ELMOD3: variants seen among roughly 807,000 people sequenced by gnomAD.
The protein encoded by ELMOD3 is ELMO domain-containing protein 3.
A neutral mutation model predicts 47.4 loss-of-function variants in ELMOD3; 36 were observed. The ratio of observed to expected loss-of-function variants is 0.76; its 90% CI spans 0.58 to 1.00. The LOEUF is 1.00. ELMOD3 is among the 50% of genes least tolerant of loss of function. The pLI, the probability that ELMOD3 is intolerant of heterozygous loss-of-function variation, is 0.00. For missense variants in ELMOD3, 404 were observed against 463.8 expected, an observed-to-expected ratio of 0.87 and a Z score of 1.18; for synonymous variants, 149 against 183.5, an observed-to-expected ratio of 0.81 and a Z score of 1.52.
intron 11 of ELMOD3, among the ~76,000 whole-genome samples, chr2:85,387,638 G>T (rs1686023587): frequency 7.2e-6 from 1 of 138,682 alleles, no homozygotes; most frequent in Non-Finnish European, 1.5e-5. Context: ...CTGCACTCCA[G>T]CCTGGGCGAC....
chr2:85,379,367 C>T (rs1407349953), intron 11 of ELMOD3, among the ~76,000 whole-genome samples: 4 of 152,008 alleles, frequency 2.6e-5, no homozygotes, highest in Middle Eastern at 3.2e-3. Context: ...CCACCACGTC[C>T]GGCTAATTTT....
chr2:85,390,565 AGT>A, intron 13 of ELMOD3, 193 bp from the exon 14 acceptor site: 1 of 1,558,476 alleles, frequency 6.4e-7, no homozygotes, highest in African/African-American at 1.4e-5. Flanking sequence ...GACAAGGTAG[AGT>A]GTGTGGTCCC....
rs1228526329 is a variant in ELMOD3 at position 85,390,221 on chromosome 2, G to A, written c.899G>A (p.Arg300Lys). 3 of 1,614,186 alleles carry A rather than the reference G, an allele frequency of 1.9e-6. No individual in the cohort carries two copies. Among genetic ancestry groups the A allele is most frequent in the Non-Finnish European group, 2.5e-6 (3 of 1,180,034 alleles). ...TTCCTCCACCTCGCACATGTCTGGA[G>A]GACACAGCGGAAGACCATCTCAGAC... ...ATFLHLAHVW[R>K]TQRKTISDSG... is the part of the protein sequence containing the mutation. The change falls in exon 13 of 14, where the codon AGG (arginine) becomes AAG (lysine). Residue 300 changes from arginine to lysine, a missense_variant. Coordinates refer to ENST00000409013, the MANE Select transcript of ELMOD3 (RefSeq NM_001135022.2).
intron 11 of ELMOD3, among the ~76,000 whole-genome samples, chr2:85,378,737 A>G (rs186062432): frequency 1.5e-3 from 223 of 152,328 alleles, no homozygotes; most frequent in Admixed American, 2.7e-3. Flanking sequence ...GGGGCCCAAG[A>G]TATTTTCCTT....
chr2:85,390,638 C>T (rs1686283650), intron 13 of ELMOD3, 122 bp from the exon 14 acceptor site: 2 of 1,489,470 alleles, frequency 1.3e-6, no homozygotes, highest in African/African-American at 1.4e-5. Context: ...GAGGCTCCTT[C>T]ACTTTCTCTC....
chr2:85,366,602 G>C lies in ELMOD3; in HGVS notation c.200-2084G>C, dbSNP rs150934773. Among the ~76,000 whole-genome samples the C allele has an allele frequency of 7.4e-4, 112 of 152,358 alleles. No homozygotes were observed. In the Middle Eastern group the frequency reaches 0.031, roughly 42 times the overall value. ...TACCCCATCCTCACAACAGCCCCAT[G>C]AGGGGTTACAGATGATAAGTAACTT... On this transcript the variant is annotated intron_variant, in intron 6 of 13. Coordinates refer to ENST00000409013, the MANE Select transcript of ELMOD3 (RefSeq NM_001135022.2).
At chr2:85,364,825 A>ATATATTTTTTTTTTTTT (rs375582916) in intron 6 of ELMOD3, among the ~76,000 whole-genome samples, 1 of 69,892 alleles carries the variant, frequency 1.4e-5, no homozygotes, top group African/African-American at 6.7e-5. Flanking sequence ...ATATATATAT[A>ATATATTTTTTTTTTTTT]TTTTTTTTTT....
chr2:85,360,843 A>C, intron 4 of ELMOD3: 1 of 257,552 alleles, frequency 3.9e-6, no homozygotes, highest in South Asian at 5.2e-5. Context: ...TTACTTCTCC[A>C]TTCTCCAGAA....
At chr2:85,381,137 C>T (rs1050639925) in intron 11 of ELMOD3, among the ~76,000 whole-genome samples, 1 of 152,080 alleles carries the variant, frequency 6.6e-6, no homozygotes, top group African/African-American at 2.4e-5. Context: ...AATTTTTATA[C>T]CAAATAAGCC....
intron 10 of ELMOD3, among the ~76,000 whole-genome samples, chr2:85,375,651 C>T (rs1685123767): frequency 6.6e-6 from 1 of 152,196 alleles, no homozygotes; most frequent in African/African-American, 2.4e-5. Context: ...CCTATAGTCA[C>T]TTTCTATCAT....
At chr2:85,371,332 G>C (rs765623161) in intron 9 of ELMOD3, 108 bp from the exon 10 acceptor site, 94 of 1,598,584 alleles carry the variant, frequency 5.9e-5, no homozygotes, top group Non-Finnish European at 7.7e-5. Context: ...GTGAGAGTGG[G>C]AGCTGAGAAC....
At chr2:85,361,307 T>G (rs1683939798) in intron 4 of ELMOD3, among the ~76,000 whole-genome samples, 1 of 152,218 alleles carries the variant, frequency 6.6e-6, no homozygotes, top group South Asian at 2.1e-4. Flanking sequence ...CCTCAGACTT[T>G]CAAAGAGCCA....
intron 11 of ELMOD3, among the ~76,000 whole-genome samples, chr2:85,381,472 T>G (rs1318852025): frequency 1.3e-5 from 2 of 152,230 alleles, no homozygotes. Flanking sequence ...CTATAAAATT[T>G]TAATCTTGAC....
chr2:85,365,372 A>C (rs1684311647), intron 6 of ELMOD3, among the ~76,000 whole-genome samples: 3 of 151,114 alleles, frequency 2.0e-5, no homozygotes, highest in African/African-American at 7.3e-5. Flanking sequence ...ATATATAATA[A>C]ATAAAAATAA....
At chr2:85,377,917 C>A (rs1423992176) in intron 11 of ELMOD3, among the ~76,000 whole-genome samples, 1 of 152,168 alleles carries the variant, frequency 6.6e-6, no homozygotes, top group Non-Finnish European at 1.5e-5. Context: ...AATGGGACTT[C>A]ACATTCGTAT....
At chr2:85,371,776 G>T in intron 10 of ELMOD3, 1 of 525,664 alleles carries the variant, frequency 1.9e-6, no homozygotes, top group East Asian at 4.0e-5. Context: ...GCTCACGCCT[G>T]TAATCCCAGC....
chr2:85,389,986 C>A (rs1258561033), intron 12 of ELMOD3, 152 bp from the exon 13 acceptor site: 4 of 1,080,442 alleles, frequency 3.7e-6, no homozygotes, highest in Non-Finnish European at 5.7e-6. Context: ...CTTCTCCCAC[C>A]CCTGGCCTTA....
chr2:85,364,532 C>T lies in ELMOD3; in HGVS notation c.199+1366C>T, dbSNP rs573332409. On this transcript the variant is annotated intron_variant, in intron 6 of 13. Coordinates refer to ENST00000409013, the MANE Select transcript of ELMOD3 (RefSeq NM_001135022.2). ...CTGGGAGGCAGAGGTTGCAGTGAGC[C>T]GAGATCATGCCACTGTACTGCACCC... 7.3e-5 allele frequency among the ~76,000 whole-genome samples: 11 copies of T among 150,370 alleles called. 1 individual carries two copies. In the South Asian group the frequency reaches 1.5e-3, roughly 20 times the overall value.
intron 8 of ELMOD3, among the ~76,000 whole-genome samples, chr2:85,370,636 A>G (rs1339781870): frequency 6.6e-6 from 1 of 152,190 alleles, no homozygotes; most frequent in African/African-American, 2.4e-5. Flanking sequence ...TGAGAAGCCA[A>G]CATGACCTCA....
Sources: allele counts gnomAD v4.1 joint callset (sites outside exome capture counted in the v4.1 genomes callset), GRCh38; gene constraint gnomAD v4.1.1; transcripts MANE v1.5; gene names NCBI Gene and HGNC (gene_info 2026-07-23, HGNC 2026-07-21).